CGN: variants seen among roughly 807,000 people sequenced by gnomAD.
CGN encodes the protein cingulin.
Under a neutral mutation model 157.1 loss-of-function variants are expected in CGN, and 121 were observed. That is an observed-to-expected ratio of 0.77 (90% CI 0.66 to 0.90). The LOEUF (loss-of-function observed/expected upper bound fraction) is 0.90. CGN is among the 40% of genes least tolerant of loss of function. The pLI, the probability that CGN is intolerant of heterozygous loss-of-function variation, is 0.00. For missense variants in CGN, 1,424 were observed against 1,520.9 expected (o/e 0.94, Z 1.06); for synonymous variants, 535 against 607.5 (o/e 0.88, Z 1.76).
chr1:151,529,550 G>A lies in CGN; in HGVS notation c.2097G>A (p.Glu699=). 6.2e-7 allele frequency: 1 copy of A among 1,613,302 alleles called. No individual in the cohort carries two copies. Among genetic ancestry groups the A allele is most frequent in the Non-Finnish European group, 8.5e-7 (1 of 1,179,684 alleles). ...TLQQLRQDCE[E]ASKAKMVAEA... The stretch of plus-strand genomic sequence containing the variant: ...AGCAACTGCGACAGGACTGTGAAGA[G>A]GCTTCCAAGGCAAGGGGAGTGGGCA... Residue 699 remains glutamate, a synonymous_variant, in exon 11 of 21, where the codon GAG becomes GAA. Coordinates refer to ENST00000271636, the MANE Select transcript of CGN (RefSeq NM_020770.3).
chr1:151,524,691 G>A lies in CGN; in HGVS notation c.1419G>A (p.Arg473=), dbSNP rs779876249. Residue 473 remains arginine, a synonymous_variant, in exon 8 of 21, where the codon CGG becomes CGA. Transcript: ENST00000271636. The surrounding 1 kb of genome is among the most constrained non-coding windows in gnomAD (Gnocchi z 4.4). The part of the protein sequence containing the change: ...EVLLKDLLET[R]ELLEEVLEGK... The stretch of plus-strand genomic sequence containing the variant: ...TTCTCCAGGACCTGTTAGAGACCCG[G>A]GAACTTCTGGAAGAGGTCTTGGAGG... 1 of 1,608,082 alleles carries A rather than the reference G, an allele frequency of 6.2e-7. No homozygotes were observed. Among genetic ancestry groups the A allele is most frequent in the Non-Finnish European group, 8.5e-7 (1 of 1,178,824 alleles).
Position 151,535,630 on chromosome 1 carries a change from GA to G in CGN, c.3028del (p.Arg1010GlyfsTer21). ...TCAGCTGAGGACAGAGCTCATGCAG[GA>G]AAGGTCTGCTCGGCAGGACCTGGAG... is the stretch of plus-strand genomic sequence containing the variant. ...VDQLRTELMQERSARQDLECD... is the reference protein window; with the variant it reads ...VDQLRTELMQXRSARQDLECD... On this transcript the variant is annotated frameshift_variant, in exon 17 of 21. Transcript: ENST00000271636. LOFTEE classifies it high-confidence loss of function. The G allele has an allele frequency of 1.9e-6, 3 of 1,614,130 alleles. No individual in the cohort carries two copies. Among genetic ancestry groups the G allele is most frequent in the Non-Finnish European group, 2.5e-6 (3 of 1,180,016 alleles).
intron 14 of CGN, 63 bp from the exon 15 acceptor site, chr1:151,533,912 T>C: frequency 6.8e-7 from 1 of 1,475,304 alleles, no homozygotes; most frequent in Non-Finnish European, 9.1e-7. Context: ...GCTGGACTGC[T>C]CCTGCCCCTC....
intron 5 of CGN, among the ~76,000 whole-genome samples, chr1:151,520,980 A>G (rs1428722199): frequency 6.6e-6 from 1 of 152,050 alleles, no homozygotes; most frequent in Non-Finnish European, 1.5e-5. Flanking sequence ...AATTACTTAC[A>G]TTCTCTGTGC....
At chr1:151,525,467 G>A in intron 8 of CGN, 175 bp from the exon 9 acceptor site, 1 of 442,426 alleles carries the variant, frequency 2.3e-6, no homozygotes, top group Non-Finnish European at 4.0e-6. Context: ...GGGGTGGACT[G>A]TGACTTGAGG....
At position 151,511,968 on chromosome 1, in the gene CGN, G is replaced by T. The variant is rs1664312022; in HGVS notation, c.-15+453G>T. Among the ~76,000 whole-genome samples the T allele has an allele frequency of 6.6e-6, 1 of 152,152 alleles. No individual in the cohort carries two copies. The highest frequency in any genetic ancestry group is 1.5e-5 in the Non-Finnish European group (1 of 68,014). On this transcript the variant is annotated intron_variant, in intron 1 of 20. Transcript: ENST00000271636. The surrounding 1 kb of genome is among the most constrained non-coding windows in gnomAD (Gnocchi z 4.8). ...CTGAGGGTCTTTCCTGCGTCCTGCG[G>T]TCTCAGCTGGCCGTTGTCAGCACCC...
Position 151,519,169 on chromosome 1 carries a change from G to A in CGN, c.650G>A (p.Ser217Asn). The A allele has an allele frequency of 1.9e-6, 3 of 1,614,042 alleles. No individual in the cohort carries two copies. Among genetic ancestry groups the A allele is most frequent in the East Asian group, 2.2e-5 (1 of 44,880 alleles). ...EQRKRSKSLD[S>N]RLPRDTFEER... ...CGCAAACGGAGCAAGAGCCTGGACA[G>A]CCGCCTCCCACGGGACACCTTTGAG... The change falls in exon 2 of 21, where the codon AGC becomes AAC. Residue 217 changes from serine to asparagine, a missense_variant. Physicochemically the swap from Ser to Asn is conservative, Grantham distance 46. Around this residue, in one of 3 missense-constraint regions of CGN, gnomAD observed 1,187 missense variants for 1,217.6 expected, o/e 0.97. Coordinates refer to ENST00000271636, the MANE Select transcript of CGN (RefSeq NM_020770.3).
intron 15 of CGN, 80 bp from the exon 16 acceptor site, chr1:151,534,962 G>C: frequency 2.1e-6 from 2 of 968,134 alleles, no homozygotes; most frequent in Non-Finnish European, 3.3e-6. Flanking sequence ...GTTAATGCTG[G>C]AGTTTGAGAG....
Position 151,524,450 on chromosome 1 carries a change from G to C in CGN, c.1401+92G>C. The C allele has an allele frequency of 1.9e-6, 3 of 1,566,786 alleles. No homozygotes were observed. The highest frequency in any genetic ancestry group is 1.7e-6 in the Non-Finnish European group (2 of 1,152,344). ...ATCCATGGTTTCCCCAAAGTATGAGGAGTGGGTGGCTGATTACAGGTACTC... is the reference window on the plus strand; with the variant it reads ...ATCCATGGTTTCCCCAAAGTATGAGCAGTGGGTGGCTGATTACAGGTACTC... On this transcript the variant is annotated intron_variant, in intron 7 of 20. Coordinates refer to ENST00000271636, the MANE Select transcript of CGN (RefSeq NM_020770.3). The surrounding 1 kb of genome is among the most constrained non-coding windows in gnomAD (Gnocchi z 4.4).
Position 151,533,980 on chromosome 1 carries a change from G to C in CGN, c.2748G>C (p.Gln916His). ...GGLSRLQDEI[Q>H]RLRQALQASQ... ...CATTTTTACCCCCTGCCCAGATCCA[G>C]AGGCTGCGGCAGGCCCTGCAGGCAT... The change falls in exon 15 of 21, where the codon CAG becomes CAC. Residue 916 changes from glutamine (Q) to histidine (H), a missense_variant. Gln to His is a conservative substitution (Grantham distance 24, BLOSUM62 0). This residue lies in a region of CGN where 1,187 missense variants were observed against 1,217.6 expected (regional missense o/e 0.97). Transcript: ENST00000271636. 6.2e-7 allele frequency: 1 copy of C among 1,607,742 alleles called. No homozygotes were observed. The highest frequency in any genetic ancestry group is 2.2e-5 in the East Asian group (1 of 44,808).
rs771764755 is a variant in CGN, at chr1:151,523,441, A to G, written c.1148A>G (p.Gln383Arg). The part of the protein sequence containing the change: ...RKLDEEVKKR[Q>R]KLEPSQVGLE... ...TCTCATTCCCTTTTACAGAAGCGGC[A>G]GAAGCTAGAGCCATCCCAAGTTGGG... The change falls in exon 6 of 21, where the codon CAG becomes CGG. Residue 383 changes from glutamine (Q) to arginine (R), a missense_variant. This residue lies in a region of CGN where 1,187 missense variants were observed against 1,217.6 expected (regional missense o/e 0.97). Transcript: ENST00000271636. 13 of 1,610,282 alleles carry G rather than the reference A, an allele frequency of 8.1e-6. No homozygotes were observed. The highest frequency in any genetic ancestry group is 1.1e-5 in the Non-Finnish European group (13 of 1,178,598).
intron 1 of CGN, among the ~76,000 whole-genome samples, chr1:151,513,550 T>A (rs12730114): frequency 0.64 from 97,007 of 152,094 alleles, 34,750 homozygotes; most frequent in Non-Finnish European, 0.83. Context: ...ATACCTCAAG[T>A]TCTCCCGTTT....
At chr1:151,533,748 C>T (rs975655491) in intron 14 of CGN, among the ~76,000 whole-genome samples, 17 of 150,402 alleles carry the variant, frequency 1.1e-4, no homozygotes, top group Middle Eastern at 3.6e-3. Flanking sequence ...AAGCTGAGAT[C>T]GCACCACTGT....
rs1664791087 is a variant in CGN at position 151,529,893 on chromosome 1, C to T, written c.2107-16C>T. The T allele has an allele frequency of 6.2e-7, 1 of 1,609,244 alleles. No homozygotes were observed. On this transcript the variant is annotated splice_polypyrimidine_tract_variant and intron_variant, in intron 11 of 20. Coordinates refer to ENST00000271636, the MANE Select transcript of CGN (RefSeq NM_020770.3). ...CGCCCTGGGGTCTGAGCTGCCACCCCCTGAACCGTCCTTAGGCTAAGATGG... is the reference window on the plus strand; with the variant it reads ...CGCCCTGGGGTCTGAGCTGCCACCCTCTGAACCGTCCTTAGGCTAAGATGG...
At position 151,518,672 on chromosome 1, in the gene CGN, CG is replaced by C; in HGVS notation, c.157del (p.Val53LeufsTer42). ...CTAAGGATGCAAGAGCCAGTACCTA[CG>C]GGGTTGCTGTGCGTGTGCAGGGAAT... ...PAKDARASTY[G>X]VAVRVQGIAG... On this transcript the variant is annotated frameshift_variant, in exon 2 of 21. Coordinates refer to ENST00000271636, the MANE Select transcript of CGN (RefSeq NM_020770.3). LOFTEE classifies it high-confidence loss of function. 1 of 1,614,142 alleles carries C rather than the reference CG, an allele frequency of 6.2e-7. No homozygotes were observed. The highest frequency in any genetic ancestry group is 1.1e-5 in the South Asian group (1 of 91,086).
At chr1:151,512,717 C>T (rs1448060949) in intron 1 of CGN, among the ~76,000 whole-genome samples, 1 of 152,216 alleles carries the variant, frequency 6.6e-6, no homozygotes, top group Non-Finnish European at 1.5e-5. Flanking sequence ...TAATTAGCAA[C>T]CGCTATGTTT....
chr1:151,531,315 T>C (rs1438362453), intron 13 of CGN, among the ~76,000 whole-genome samples: 2 of 152,298 alleles, frequency 1.3e-5, no homozygotes, highest in East Asian at 3.9e-4. Flanking sequence ...CTCCTGGGAT[T>C]CTCCCTTGGG....
intron 10 of CGN, 139 bp downstream of exon 10, chr1:151,527,246 C>T (rs1664704004): frequency 1.1e-6 from 1 of 879,972 alleles, no homozygotes; most frequent in Non-Finnish European, 1.8e-6. Flanking sequence ...TCAGCTTGAT[C>T]TCTTTCCAGC....
intron 13 of CGN, among the ~76,000 whole-genome samples, chr1:151,531,112 G>T (rs1664826170): frequency 6.6e-6 from 1 of 151,624 alleles, no homozygotes; most frequent in Non-Finnish European, 1.5e-5. Flanking sequence ...CTGCACTTCA[G>T]CCTGGGTGAC....
Sources: gnomAD v4.1 joint callset for allele counts (sites outside exome capture counted in the v4.1 genomes callset) on GRCh38, gnomAD v4.1.1 for gene constraint, gnomAD v4.1.1 regional missense constraint, Gnocchi (gnomAD v3.1) non-coding constraint, MANE v1.5 for transcripts, NCBI Gene and HGNC (gene_info 2026-07-23, HGNC 2026-07-21) for gene names.